Variants in KCNIP4 observed in about 807,000 individuals in gnomAD.
The protein encoded by KCNIP4 is potassium voltage-gated channel interacting protein 4.
KCNIP4 carries 12 observed loss-of-function variants against 34.0 expected under a neutral mutation model. The observed-to-expected ratio is 0.35, with a 90% CI of 0.23 to 0.57. KCNIP4 has a LOEUF of 0.57. Among genes scored for constraint, KCNIP4 ranks in the 20% least tolerant of loss-of-function variants. The probability of loss-of-function intolerance (pLI) is 0.83; values close to 1 mark genes in which losing one functional copy is unlikely to be tolerated. For missense variants in KCNIP4, 238 were observed against 311.7 expected (o/e 0.76, Z 1.78); for synonymous variants, 124 against 102.2 (o/e 1.21, Z -1.29).
At chr4:20,864,025 C>CATACATATGTATGTATACGCATGTATGT (rs1220231857) in intron 2 of KCNIP4, among the ~76,000 whole-genome samples, 2 of 130,628 alleles carry the variant, frequency 1.5e-5, no homozygotes. Context: ...TGTATGTATA[C>CATACATATGTATGTATACGCATGTATGT]ATACATATGT....
chr4:21,902,815 G>A (rs1375371943), intron 1 of KCNIP4, among the ~76,000 whole-genome samples: 2 of 152,078 alleles, frequency 1.3e-5, no homozygotes, highest in Non-Finnish European at 2.9e-5. Flanking sequence ...TAATGGAAGG[G>A]ACTTCATAGA....
At chr4:20,805,218 A>G (rs758019115) in intron 3 of KCNIP4, among the ~76,000 whole-genome samples, 10 of 106,944 alleles carry the variant, frequency 9.4e-5, no homozygotes, top group Non-Finnish European at 1.3e-4. Flanking sequence ...TTTTTTTTTA[A>G]AGAGGCAGGG....
intron 1 of KCNIP4, among the ~76,000 whole-genome samples, chr4:21,625,606 T>C (rs1745267095): frequency 6.6e-6 from 1 of 152,186 alleles, no homozygotes; most frequent in Non-Finnish European, 1.5e-5. Context: ...GAATGCTCTA[T>C]CAGTGACTTT....
intron 1 of KCNIP4, among the ~76,000 whole-genome samples, chr4:21,916,320 C>CT (rs1009609570): frequency 6.6e-6 from 1 of 152,078 alleles, no homozygotes; most frequent in Non-Finnish European, 1.5e-5. Flanking sequence ...ACAATCATGC[C>CT]TTTTTTTCCA....
intron 1 of KCNIP4, among the ~76,000 whole-genome samples, chr4:21,937,759 T>C (rs1443660676): frequency 6.6e-6 from 1 of 152,098 alleles, no homozygotes; most frequent in Non-Finnish European, 1.5e-5. Flanking sequence ...TGTCTTCTAT[T>C]TGTCTGATGT....
intron 1 of KCNIP4, among the ~76,000 whole-genome samples, chr4:21,778,638 T>A (rs539208905): frequency 2.6e-5 from 4 of 152,190 alleles, no homozygotes; most frequent in Non-Finnish European, 5.9e-5. Flanking sequence ...ATTACAAATA[T>A]CATTTTTAGA....
At chr4:21,941,475 CT>C (rs1663042192) in intron 1 of KCNIP4, among the ~76,000 whole-genome samples, 1 of 149,680 alleles carries the variant, frequency 6.7e-6, no homozygotes, top group African/African-American at 2.4e-5. Context: ...CCTCCAAAAC[CT>C]TTTTGTAGTA....
chr4:21,358,121 A>G (rs1718841216), intron 1 of KCNIP4, among the ~76,000 whole-genome samples: 1 of 152,074 alleles, frequency 6.6e-6, no homozygotes, highest in South Asian at 2.1e-4. Context: ...TTAAACAATG[A>G]CAACACTTGG....
intron 1 of KCNIP4, among the ~76,000 whole-genome samples, chr4:21,620,444 G>T (rs1196846087): frequency 6.6e-6 from 1 of 152,176 alleles, no homozygotes; most frequent in African/African-American, 2.4e-5. Flanking sequence ...AGAGGTTGCA[G>T]TGAGCCAAGA....
At chr4:21,049,756 C>A (rs1019773517) in intron 1 of KCNIP4, among the ~76,000 whole-genome samples, 1 of 152,174 alleles carries the variant, frequency 6.6e-6, no homozygotes. Context: ...TTCTCAGTGA[C>A]CCCTAGTCAT....
At chr4:21,077,153 A>G (rs534377781) in intron 1 of KCNIP4, among the ~76,000 whole-genome samples, 7 of 151,942 alleles carry the variant, frequency 4.6e-5, no homozygotes, top group Non-Finnish European at 1.0e-4. Flanking sequence ...AATTAAATAA[A>G]TAAAAATTAA....
intron 1 of KCNIP4, among the ~76,000 whole-genome samples, chr4:21,137,488 T>C (rs1751589880): frequency 6.6e-6 from 1 of 152,194 alleles, no homozygotes; most frequent in South Asian, 2.1e-4. Context: ...ATATCTTTAG[T>C]TAAAAAAAGA....
At chr4:21,711,804 C>G (rs1262427301) in intron 1 of KCNIP4, among the ~76,000 whole-genome samples, 1 of 152,164 alleles carries the variant, frequency 6.6e-6, no homozygotes, top group Non-Finnish European at 1.5e-5. Flanking sequence ...ATGATATCTA[C>G]TTATTCTCTA....
intron 1 of KCNIP4, among the ~76,000 whole-genome samples, chr4:21,064,782 G>A (rs189450094): frequency 2.8e-4 from 42 of 152,132 alleles, no homozygotes; most frequent in Non-Finnish European, 4.3e-4. Context: ...CTGGGACCTC[G>A]CTAAATGTAT....
intron 1 of KCNIP4, among the ~76,000 whole-genome samples, chr4:21,152,226 C>T (rs1408177051): frequency 1.3e-5 from 2 of 152,106 alleles, no homozygotes; most frequent in Non-Finnish European, 2.9e-5. Flanking sequence ...GCACTCCAGC[C>T]TGGATGACAA....
intron 1 of KCNIP4, among the ~76,000 whole-genome samples, chr4:21,200,354 G>GTA (rs1205574338): frequency 0.014 from 821 of 60,680 alleles, 74 homozygotes; most frequent in African/African-American, 0.092. Flanking sequence ...ATATATGTGT[G>GTA]TATATATATA....
chr4:21,716,922 C>A (rs1345293707), intron 1 of KCNIP4, among the ~76,000 whole-genome samples: 1 of 152,134 alleles, frequency 6.6e-6, no homozygotes, highest in Non-Finnish European at 1.5e-5. Flanking sequence ...CCCAGGTAGA[C>A]GGAAAGAATC....
intron 1 of KCNIP4, among the ~76,000 whole-genome samples, chr4:20,959,194 G>T (rs1441686183): frequency 2.0e-5 from 3 of 152,136 alleles, no homozygotes; most frequent in African/African-American, 7.2e-5. Flanking sequence ...AGGCCAAATG[G>T]GTGACATGGT....
chr4:21,906,002 C>T (rs1242072855), intron 1 of KCNIP4, among the ~76,000 whole-genome samples: 1 of 152,098 alleles, frequency 6.6e-6, no homozygotes, highest in Non-Finnish European at 1.5e-5. Flanking sequence ...GCCACTCACT[C>T]CCAGTCAAAT....
Sources: allele counts gnomAD v4.1 joint callset (sites outside exome capture counted in the v4.1 genomes callset), GRCh38; gene constraint gnomAD v4.1.1; transcripts MANE v1.5; gene names NCBI Gene and HGNC (gene_info 2026-07-23, HGNC 2026-07-21).